Variants in CTNS observed in about 807,000 individuals in gnomAD.
CTNS encodes the protein cystinosin, lysosomal cystine transporter.
Under a neutral mutation model 43.7 loss-of-function variants are expected in CTNS, and 27 were observed. The ratio of observed to expected loss-of-function variants is 0.62; its 90% CI spans 0.46 to 0.85. The LOEUF is 0.85. CTNS is among the 40% of genes least tolerant of loss of function. The probability of loss-of-function intolerance (pLI) is 0.00; values close to 1 mark genes in which losing one functional copy is unlikely to be tolerated. For synonymous variants in CTNS, 187 were observed against 190.6 expected (o/e 0.98, Z 0.16); for missense variants, 457 against 475.4 (o/e 0.96, Z 0.36).
In CTNS at chr17:3,658,003, A is replaced by T. The variant is rs760905567; in HGVS notation, c.682-2A>T. The T allele has an allele frequency of 6.2e-7, 1 of 1,608,512 alleles. No homozygotes were observed. Among genetic ancestry groups the T allele is most frequent in the Non-Finnish European group, 8.5e-7 (1 of 1,179,850 alleles). ...ACATCTCTGCCCTCCTCTCGCCCCCAGCGCGGTGGCCAGCGCGTGTCCTGG... is the reference window on the plus strand; with the variant it reads ...ACATCTCTGCCCTCCTCTCGCCCCCTGCGCGGTGGCCAGCGCGTGTCCTGG... On this transcript the variant is annotated splice_acceptor_variant, in intron 9 of 11. Coordinates refer to ENST00000046640, the MANE Select transcript of CTNS (RefSeq NM_004937.3). LOFTEE classifies it high-confidence loss of function.
At chr17:3,639,329 C>G (rs529972444) in intron 2 of CTNS, among the ~76,000 whole-genome samples, 1 of 152,230 alleles carries the variant, frequency 6.6e-6, no homozygotes, top group South Asian at 2.1e-4. Context: ...TCCCCGAGTC[C>G]TCCTTGTGAA....
intron 5 of CTNS, among the ~76,000 whole-genome samples, chr17:3,652,692 T>G (rs427553): frequency 6.6e-6 from 1 of 152,084 alleles, no homozygotes; most frequent in African/African-American, 2.4e-5. Context: ...GTCAATCGAC[T>G]GATTTTCTCC....
chr17:3,643,157 A>C (rs2075760911), intron 3 of CTNS, among the ~76,000 whole-genome samples: 1 of 152,002 alleles, frequency 6.6e-6, no homozygotes, highest in Admixed American at 6.6e-5. Flanking sequence ...TACCAAAAAT[A>C]CAAAAAATTA....
At position 3,660,820 on chromosome 17, in the gene CTNS, TCA is replaced by T. The variant is rs1255414460; in HGVS notation, c.*452_*453del. ...CAGCCCGGTGCCGTGGCCAGTGAAC[TCA>T]GAGGTGCTGGTGGACGGGCTAGGAC... On this transcript the variant is annotated 3_prime_UTR_variant, in exon 12 of 12. Transcript: ENST00000046640. The T allele has an allele frequency of 1.9e-6, 3 of 1,589,538 alleles. No homozygotes were observed. In the Admixed American group the frequency reaches 5.2e-5, roughly 28 times the overall value.
At chr17:3,638,584 G>A (rs968790382) in intron 2 of CTNS, among the ~76,000 whole-genome samples, 1 of 152,088 alleles carries the variant, frequency 6.6e-6, no homozygotes, top group African/African-American at 2.4e-5. Flanking sequence ...TCTCAATGTC[G>A]TTTTGTCTCT....
At chr17:3,651,832 G>A (rs1457970771) in intron 5 of CTNS, among the ~76,000 whole-genome samples, 3 of 151,804 alleles carry the variant, frequency 2.0e-5, no homozygotes, top group Admixed American at 1.3e-4. Context: ...AATTAGCCAG[G>A]TGGTAGTGGT....
chr17:3,658,049 G>C lies in CTNS; in HGVS notation c.726G>C (p.Val242=), dbSNP rs777045218. The C allele has an allele frequency of 2.4e-5, 39 of 1,611,662 alleles. No homozygotes were observed. Among genetic ancestry groups the C allele is most frequent in the Middle Eastern group, 4.3e-4 (2 of 4,602 alleles). ...RVSWPAIGFL[V]LAWLFAFVTM... ...CCTGGCCTGCCATCGGCTTCCTGGT[G>C]CTCGCGTGGCTCTTCGCATTTGTCA... The change falls in exon 10 of 12, where the codon GTG becomes GTC. Residue 242 remains valine (V), a synonymous_variant. Transcript: ENST00000046640.
intron 7 of CTNS, chr17:3,655,636 ATCG>A (rs2076111865): frequency 4.5e-6 from 2 of 447,124 alleles, no homozygotes; most frequent in Non-Finnish European, 8.3e-6. Flanking sequence ...AGGGCAGTCC[ATCG>A]TGAATCTCCT....
rs545580222 is a variant in CTNS at position 3,640,153 on chromosome 17, C to T, written c.-19-35C>T. On this transcript the variant is annotated intron_variant, in intron 2 of 11. Transcript: ENST00000046640. ...CAGGGAGCTGAGCTGATTCAACATT[C>T]CCCTGAACTTCTCTCTTGCTGTTTT... 12 of 1,544,746 alleles carry T rather than the reference C, an allele frequency of 7.8e-6. No individual in the cohort carries two copies. In the South Asian group the frequency reaches 8.9e-5, roughly 12 times the overall value.
At chr17:3,639,320 C>T (rs1012429672) in intron 2 of CTNS, among the ~76,000 whole-genome samples, 1 of 152,138 alleles carries the variant, frequency 6.6e-6, no homozygotes, top group Non-Finnish European at 1.5e-5. Context: ...GCTCATCCCT[C>T]CCCGAGTCCT....
chr17:3,650,489 TTAAAAA>T (rs1276000800), intron 5 of CTNS: 5 of 835,542 alleles, frequency 6.0e-6, no homozygotes, highest in African/African-American at 1.7e-5. Flanking sequence ...CTCTAAAAAA[TTAAAAA>T]TAAAAATAAA....
At chr17:3,641,171 C>T (rs916049555) in intron 3 of CTNS, among the ~76,000 whole-genome samples, 15 of 151,626 alleles carry the variant, frequency 9.9e-5, no homozygotes, top group South Asian at 2.1e-4. Flanking sequence ...GGAGTTTACA[C>T]GTCCTTGTAG....
At chr17:3,651,688 G>A (rs1396049172) in intron 5 of CTNS, among the ~76,000 whole-genome samples, 1 of 151,890 alleles carries the variant, frequency 6.6e-6, no homozygotes, top group Non-Finnish European at 1.5e-5. Context: ...TCAACAGTGA[G>A]AGGCTGGGCA....
chr17:3,639,493 C>T (rs1484958838), intron 2 of CTNS, among the ~76,000 whole-genome samples: 1 of 151,898 alleles, frequency 6.6e-6, no homozygotes, highest in Non-Finnish European at 1.5e-5. Context: ...CATGGTGAAA[C>T]CCCATCTCTA....
Position 3,640,190 on chromosome 17 carries a change from C to A in CTNS, c.-17C>A. On this transcript the variant is annotated splice_region_variant and 5_prime_UTR_variant, in exon 3 of 12. The change creates a new upstream start codon in the 5' untranslated region. Transcript: ENST00000046640. Reference sequence around the variant, plus strand: ...TCTCTTGCTGTTTTTCTTCCTAGTTCTGAGAAATCGAGAAACATGATAAGG... The same window carrying A: ...TCTCTTGCTGTTTTTCTTCCTAGTTATGAGAAATCGAGAAACATGATAAGG... 6.2e-7 allele frequency: 1 copy of A among 1,612,806 alleles called. No individual in the cohort carries two copies. Among genetic ancestry groups the A allele is most frequent in the South Asian group, 1.1e-5 (1 of 91,042 alleles).
At chr17:3,658,323 C>A (rs558005365) in intron 10 of CTNS, 148 bp downstream of exon 10, 2 of 1,107,310 alleles carry the variant, frequency 1.8e-6, no homozygotes, top group African/African-American at 1.5e-5. Context: ...GGGAGCGGGG[C>A]GGTGGGGAGG....
intron 3 of CTNS, among the ~76,000 whole-genome samples, chr17:3,641,359 CATATATATATAT>C (rs1234064483): frequency 6.2e-4 from 13 of 21,120 alleles, no homozygotes; most frequent in Middle Eastern, 0.036. Context: ...AAATCAGATA[CATATATATATAT>C]ATATATATAT....
chr17:3,653,840 C>T (rs2150916564), intron 5 of CTNS, among the ~76,000 whole-genome samples: 1 of 151,216 alleles, frequency 6.6e-6, no homozygotes, highest in Non-Finnish European at 1.5e-5. Context: ...CGCGCCATTG[C>T]ACTCCAGCCT....
chr17:3,659,621 T>G (rs1403756944), intron 10 of CTNS, among the ~76,000 whole-genome samples: 4 of 152,154 alleles, frequency 2.6e-5, no homozygotes, highest in Non-Finnish European at 5.9e-5. Flanking sequence ...CTGTGAGGTG[T>G]GGGGGGTGCG....
Sources: gnomAD v4.1 joint callset for allele counts (sites outside exome capture counted in the v4.1 genomes callset) on GRCh38, gnomAD v4.1.1 for gene constraint, MANE v1.5 for transcripts, NCBI Gene and HGNC (gene_info 2026-07-23, HGNC 2026-07-21) for gene names.